GALNT2: variants seen among roughly 807,000 people sequenced by gnomAD.
The protein encoded by GALNT2 is polypeptide N-acetylgalactosaminyltransferase 2.
In GALNT2, 31 loss-of-function variants were observed where a neutral mutation model predicts 81.4. The observed-to-expected ratio is 0.38, with a 90% CI of 0.29 to 0.51. GALNT2 has a LOEUF of 0.51. Among genes scored for constraint, GALNT2 ranks in the 20% least tolerant of loss-of-function variants. The probability of loss-of-function intolerance (pLI) is 0.87; values close to 1 mark genes in which losing one functional copy is unlikely to be tolerated. For synonymous variants in GALNT2, 303 were observed against 287.4 expected, an observed-to-expected ratio of 1.05 and a Z score of -0.55; for missense variants, 629 against 765.7, an observed-to-expected ratio of 0.82 and a Z score of 2.11.
intron 2 of GALNT2, among the ~76,000 whole-genome samples, chr1:230,190,990 GT>G (rs1663505948): frequency 6.6e-6 from 1 of 152,068 alleles, no homozygotes; most frequent in African/African-American, 2.4e-5. Context: ...TTTAATATTA[GT>G]TGCCATTTTA....
At chr1:230,167,512 G>A (rs1163333191) in intron 1 of GALNT2, among the ~76,000 whole-genome samples, 1 of 152,240 alleles carries the variant, frequency 6.6e-6, no homozygotes, top group African/African-American at 2.4e-5. Flanking sequence ...ATGGAAGTTA[G>A]GCCCTCATGG....
At chr1:230,089,930 A>G (rs1660014929) in intron 1 of GALNT2, among the ~76,000 whole-genome samples, 1 of 152,152 alleles carries the variant, frequency 6.6e-6, no homozygotes, top group African/African-American at 2.4e-5. Flanking sequence ...GCTGGATCAT[A>G]TGGGAGTTCT....
At chr1:230,123,253 C>G (rs1481421033) in intron 1 of GALNT2, among the ~76,000 whole-genome samples, 1 of 152,174 alleles carries the variant, frequency 6.6e-6, no homozygotes. Flanking sequence ...CTGCCTTATT[C>G]GTGACGCTTG....
chr1:230,219,796 T>A (rs1664493180), intron 3 of GALNT2, among the ~76,000 whole-genome samples: 1 of 152,202 alleles, frequency 6.6e-6, no homozygotes, highest in South Asian at 2.1e-4. Context: ...AATGGGTGTG[T>A]CCCTTAAAAC....
At chr1:230,065,571 T>C (rs1338339437), upstream of GALNT2, among the ~76,000 whole-genome samples, 1 of 152,220 alleles carries the variant, frequency 6.6e-6, no homozygotes, top group Non-Finnish European at 1.5e-5. Flanking sequence ...TCATCAGAAA[T>C]GTGATTTCTG....
At chr1:230,159,980 G>A (rs561740331) in intron 1 of GALNT2, among the ~76,000 whole-genome samples, 2 of 152,252 alleles carry the variant, frequency 1.3e-5, no homozygotes, top group Middle Eastern at 3.4e-3. Context: ...TCTCTGTGGG[G>A]TGTCGTCTGA....
At position 230,110,939 on chromosome 1, in the gene GALNT2, T is replaced by C. The variant is rs12566812; in HGVS notation, c.126+43533T>C. ...TCTTCTCTTTAAGTACAAGCCACCA[T>C]TGCCAGGCAGAAGCTGATAAAGTAA... On this transcript the variant is annotated intron_variant, in intron 1 of 15. Coordinates refer to ENST00000366672, the MANE Select transcript of GALNT2 (RefSeq NM_004481.5). Among the ~76,000 whole-genome samples the C allele has an allele frequency of 6.0e-3, 921 of 152,286 alleles. 7 individuals are homozygous for C. The highest frequency in any genetic ancestry group is 0.019 in the African/African-American group (778 of 41,548).
At chr1:230,230,109 A>C (rs1404315894) in intron 3 of GALNT2, among the ~76,000 whole-genome samples, 1 of 152,250 alleles carries the variant, frequency 6.6e-6, no homozygotes, top group Non-Finnish European at 1.5e-5. Flanking sequence ...TATTTCACTC[A>C]CATAAACACA....
At chr1:230,100,535 A>C (rs1452632604) in intron 1 of GALNT2, among the ~76,000 whole-genome samples, 3 of 152,120 alleles carry the variant, frequency 2.0e-5, no homozygotes, top group African/African-American at 7.2e-5. Flanking sequence ...CATGCTAGTC[A>C]GGCTGGTCTC....
rs1665282711 is a variant in GALNT2, at chr1:230,243,820, G to T, written c.729+393G>T. On this transcript the variant is annotated intron_variant, in intron 7 of 15. Transcript: ENST00000366672. This position sits in a 1 kb window ranked among gnomAD's most constrained non-coding sequence, Gnocchi z 4.2. ...CATCTCTTGCAGCTCGCAGAGCGGG[G>T]CGTGCTGGGGAAGCTGTCCCTGGGG... 6.6e-6 allele frequency among the ~76,000 whole-genome samples: 1 copy of T among 152,168 alleles called. No individual in the cohort carries two copies. Among genetic ancestry groups the T allele is most frequent in the African/African-American group, 2.4e-5 (1 of 41,452 alleles).
At chr1:230,186,157 G>T (rs1383492267) in intron 2 of GALNT2, among the ~76,000 whole-genome samples, 1 of 152,180 alleles carries the variant, frequency 6.6e-6, no homozygotes, top group Non-Finnish European at 1.5e-5. Flanking sequence ...TGCTTTGCTG[G>T]CAAGAGTGTT....
chr1:230,107,483 G>A (rs955617432), intron 1 of GALNT2, among the ~76,000 whole-genome samples: 3 of 152,110 alleles, frequency 2.0e-5, no homozygotes, highest in African/African-American at 7.2e-5. Flanking sequence ...GGGAGGCTGA[G>A]ACGGGAGCAT....
chr1:230,164,182 C>G (rs942421925), intron 1 of GALNT2, among the ~76,000 whole-genome samples: 1 of 152,206 alleles, frequency 6.6e-6, no homozygotes, highest in African/African-American at 2.4e-5. Flanking sequence ...AATGCCAGTT[C>G]TGTGAGGGTG....
intron 8 of GALNT2, among the ~76,000 whole-genome samples, chr1:230,247,899 AG>A (rs1665424025): frequency 6.6e-6 from 1 of 152,222 alleles, no homozygotes; most frequent in African/African-American, 2.4e-5. Flanking sequence ...AACAAAGGAA[AG>A]GTTATGTCAG....
intron 1 of GALNT2, among the ~76,000 whole-genome samples, chr1:230,091,067 G>C (rs12063533): frequency 0.22 from 23,402 of 107,784 alleles, 1,991 homozygotes; most frequent in African/African-American, 0.26. Flanking sequence ...TCTTTTGTTT[G>C]TTTCTTTCTT....
chr1:230,225,584 G>A (rs1284200537), intron 3 of GALNT2, among the ~76,000 whole-genome samples: 9 of 151,416 alleles, frequency 5.9e-5, no homozygotes, highest in South Asian at 4.1e-4. Context: ...GGAACACAGC[G>A]TGGGCTGGGC....
At chr1:230,226,378 G>A (rs1016677880) in intron 3 of GALNT2, among the ~76,000 whole-genome samples, 1 of 152,168 alleles carries the variant, frequency 6.6e-6, no homozygotes, top group Non-Finnish European at 1.5e-5. Context: ...CCCTCCCCCT[G>A]CCACCGAATA....
chr1:230,164,333 C>G (rs56200521), intron 1 of GALNT2, among the ~76,000 whole-genome samples: 15,703 of 152,226 alleles, frequency 0.1, 963 homozygotes, highest in South Asian at 0.2. Flanking sequence ...TGTCAGCACC[C>G]GAGTTCCCTG....
At chr1:230,060,511 C>A (rs1659020973) in intron 1 of GALNT2, among the ~76,000 whole-genome samples, 1 of 152,086 alleles carries the variant, frequency 6.6e-6, no homozygotes, top group South Asian at 2.1e-4. Context: ...GCTACTAAAT[C>A]CCCCATCCCC....
Sources: allele counts gnomAD v4.1 joint callset (sites outside exome capture counted in the v4.1 genomes callset), GRCh38; gene constraint gnomAD v4.1.1; non-coding constraint Gnocchi (gnomAD v3.1); transcripts MANE v1.5; gene names NCBI Gene and HGNC (gene_info 2026-07-23, HGNC 2026-07-21).